The following GINS1 variants were observed in gnomAD, a reference collection of about 807,000 sequenced individuals.
GINS1 encodes the protein GINS complex subunit 1.
Under a neutral mutation model 34.9 loss-of-function variants are expected in GINS1, and 26 were observed. The ratio of observed to expected loss-of-function variants is 0.74; its 90% CI spans 0.55 to 1.03. The LOEUF (loss-of-function observed/expected upper bound fraction) is 1.03. GINS1 is among the 50% of genes least tolerant of loss of function. The probability of loss-of-function intolerance (pLI) is 0.00; values close to 1 mark genes in which losing one functional copy is unlikely to be tolerated. For missense variants in GINS1, 235 were observed against 237.9 expected (o/e 0.99, Z 0.08); for synonymous variants, 97 against 84.4 (o/e 1.15, Z -0.82).
At chr20:25,419,220 C>A (rs144810310) in intron 4 of GINS1, among the ~76,000 whole-genome samples, 1 of 152,174 alleles carries the variant, frequency 6.6e-6, no homozygotes, top group East Asian at 1.9e-4. Flanking sequence ...TTAACAGTTA[C>A]TACATTACAG....
intron 2 of GINS1, among the ~76,000 whole-genome samples, chr20:25,415,641 C>T (rs1449947748): frequency 6.8e-6 from 1 of 146,140 alleles, no homozygotes; most frequent in Non-Finnish European, 1.5e-5. Flanking sequence ...GTCGAGATCG[C>T]GTCATTGCAC....
At chr20:25,421,136 G>A (rs1318912378) in intron 4 of GINS1, 1 of 164,168 alleles carries the variant, frequency 6.1e-6, no homozygotes, top group Non-Finnish European at 1.3e-5. Context: ...TTAACTCTGA[G>A]CCCTTTGGTA....
chr20:25,418,255 T>C (rs533847008), intron 4 of GINS1, 60 bp downstream of exon 4: 2 of 956,552 alleles, frequency 2.1e-6, no homozygotes, highest in Admixed American at 3.4e-5. Context: ...GGCATTGTTC[T>C]ATAATAGTGT....
chr20:25,421,666 A>G (rs886341260), intron 4 of GINS1, among the ~76,000 whole-genome samples: 7 of 152,132 alleles, frequency 4.6e-5, no homozygotes, highest in African/African-American at 1.7e-4. Context: ...TTTCTTTCCT[A>G]TTAATATTTT....
intron 5 of GINS1, among the ~76,000 whole-genome samples, chr20:25,432,052 T>C (rs992479407): frequency 6.6e-6 from 1 of 152,004 alleles, no homozygotes; most frequent in Non-Finnish European, 1.5e-5. Flanking sequence ...TTTGTATTTT[T>C]AGTAGAGACG....
intron 5 of GINS1, among the ~76,000 whole-genome samples, chr20:25,432,897 A>G (rs1401887388): frequency 6.7e-6 from 1 of 148,622 alleles, no homozygotes; most frequent in Non-Finnish European, 1.5e-5. Flanking sequence ...ATATTAATAT[A>G]TATTCTATAA....
chr20:25,420,421 A>G (rs1489502533), intron 4 of GINS1, among the ~76,000 whole-genome samples: 1 of 152,168 alleles, frequency 6.6e-6, no homozygotes, highest in Non-Finnish European at 1.5e-5. Flanking sequence ...TGTGAGCCAC[A>G]GTGCCTGGCC....
intron 6 of GINS1, 84 bp from the exon 7 acceptor site, chr20:25,445,839 A>G (rs2090509151): frequency 1.1e-6 from 1 of 877,042 alleles, no homozygotes. Context: ...AATCAGTGCT[A>G]CTTTTTAATG....
At chr20:25,423,824 C>T (rs1431776296) in intron 4 of GINS1, among the ~76,000 whole-genome samples, 1 of 151,890 alleles carries the variant, frequency 6.6e-6, no homozygotes, top group Non-Finnish European at 1.5e-5. Flanking sequence ...CCATGTTAGC[C>T]AGGATGGTCT....
intron 6 of GINS1, among the ~76,000 whole-genome samples, chr20:25,445,090 T>C (rs1052711091): frequency 6.6e-6 from 1 of 152,210 alleles, no homozygotes; most frequent in African/African-American, 2.4e-5. Flanking sequence ...AATTCAGAAG[T>C]CTTAGTTGAA....
intron 5 of GINS1, among the ~76,000 whole-genome samples, chr20:25,433,230 C>G (rs1462844198): frequency 5.9e-5 from 9 of 151,580 alleles, no homozygotes; most frequent in Admixed American, 5.9e-4. Flanking sequence ...TGCCTTATAA[C>G]TTTTTTTTTC....
intron 6 of GINS1, chr20:25,443,224 T>G (rs938592354): frequency 1.3e-5 from 2 of 152,188 alleles, no homozygotes; most frequent in African/African-American, 4.8e-5. Context: ...AAACAAAGGT[T>G]GAATATTTTT....
chr20:25,416,335 G>C lies in GINS1; in HGVS notation c.141-769G>C, dbSNP rs116772524. 6.5e-3 allele frequency among the ~76,000 whole-genome samples: 993 copies of C among 152,208 alleles called. 10 individuals are homozygous for C. Among genetic ancestry groups the C allele is most frequent in the African/African-American group, 0.02 (827 of 41,520 alleles). On this transcript the variant is annotated intron_variant, in intron 2 of 6. Transcript: ENST00000262460. The stretch of plus-strand genomic sequence containing the variant: ...CAAAATTCTTTATTCCACCTTCCTA[G>C]TTTCATCAGACTTTCATAGGGTGGC...
At chr20:25,420,595 C>G (rs912433748) in intron 4 of GINS1, among the ~76,000 whole-genome samples, 5 of 151,898 alleles carry the variant, frequency 3.3e-5, no homozygotes, top group African/African-American at 1.2e-4. Flanking sequence ...GCCTGGCCAA[C>G]ATGGTGAAAC....
chr20:25,426,952 T>C (rs1328676663), intron 5 of GINS1, among the ~76,000 whole-genome samples: 3 of 152,298 alleles, frequency 2.0e-5, no homozygotes, highest in African/African-American at 7.2e-5. Flanking sequence ...TTATGATCAA[T>C]GCTGCTATGA....
At chr20:25,419,224 A>G (rs187616157) in intron 4 of GINS1, among the ~76,000 whole-genome samples, 40 of 152,298 alleles carry the variant, frequency 2.6e-4, no homozygotes, top group Admixed American at 1.8e-3. Flanking sequence ...CAGTTACTAC[A>G]TTACAGTTGC....
At chr20:25,420,621 A>C (rs1488317734) in intron 4 of GINS1, among the ~76,000 whole-genome samples, 12 of 151,928 alleles carry the variant, frequency 7.9e-5, no homozygotes, top group African/African-American at 2.7e-4. Context: ...TTCTACTAAA[A>C]ATACAAAGAT....
At chr20:25,415,599 C>T (rs1254497506) in intron 2 of GINS1, among the ~76,000 whole-genome samples, 1 of 150,736 alleles carries the variant, frequency 6.6e-6, no homozygotes, top group East Asian at 2.0e-4. Context: ...GCAGGAGAAT[C>T]GCTTGAACCT....
chr20:25,407,803 G>C lies in GINS1; in HGVS notation c.-18G>C. 1 of 1,610,470 alleles carries C rather than the reference G, an allele frequency of 6.2e-7. No homozygotes were observed. Among genetic ancestry groups the C allele is most frequent in the Non-Finnish European group, 8.5e-7 (1 of 1,177,054 alleles). ...GAGCTGGTGGTTGGCAAGGCCGCGG[G>C]AGTGGGAAGCGTCCGCCATGTTCTG... On this transcript the variant is annotated 5_prime_UTR_variant, in exon 1 of 7. Coordinates refer to ENST00000262460, the MANE Select transcript of GINS1 (RefSeq NM_021067.5).
Sources: allele counts gnomAD v4.1 joint callset (sites outside exome capture counted in the v4.1 genomes callset), GRCh38; gene constraint gnomAD v4.1.1; transcripts MANE v1.5; gene names NCBI Gene and HGNC (gene_info 2026-07-23, HGNC 2026-07-21).